The following ATP13A5 variants were observed in gnomAD, a reference collection of about 807,000 sequenced individuals.
The protein encoded by ATP13A5 is probable cation-transporting ATPase 13A5.
In ATP13A5, 149 loss-of-function variants were observed where a neutral mutation model predicts 150.2. The ratio of observed to expected loss-of-function variants is 0.99; its 90% confidence interval spans 0.87 to 1.14. The LOEUF (loss-of-function observed/expected upper bound fraction) is 1.14. Ranked by LOEUF, ATP13A5 falls within the 50% of genes most tolerant of loss-of-function variation. The probability of loss-of-function intolerance (pLI) is 0.00; values close to 1 mark genes in which losing one functional copy is unlikely to be tolerated. For missense variants in ATP13A5, 1,383 were observed against 1,449.3 expected (o/e 0.95, Z 0.74); for synonymous variants, 497 against 522.2 (o/e 0.95, Z 0.66).
At chr3:193,323,494 C>T (rs1033532521) in intron 14 of ATP13A5, 40 of 152,066 alleles carry the variant, frequency 2.6e-4, no homozygotes, top group Admixed American at 6.5e-5. Context: ...ATTTATATTC[C>T]CAACCAAGTA....
chr3:193,364,734 T>C (rs1409906968), intron 1 of ATP13A5, among the ~76,000 whole-genome samples: 4 of 152,186 alleles, frequency 2.6e-5, no homozygotes, highest in African/African-American at 9.6e-5. Flanking sequence ...CATCTAGCTT[T>C]ATCCATTCAG....
rs763820541 is a variant in ATP13A5, at chr3:193,314,223, A to G, written c.2159-30T>C. On this transcript the variant is annotated intron_variant, in intron 18 of 29. Coordinates refer to ENST00000342358, the MANE Select transcript of ATP13A5 (RefSeq NM_198505.4). ...AAGACAAAGAAACTTTGCTTGCTGT[A>G]TGTACAAACCTCCCCTCAGCAACAA... is the stretch of plus-strand genomic sequence containing the variant. 20 of 1,609,356 alleles carry G rather than the reference A, an allele frequency of 1.2e-5. No individual in the cohort carries two copies. The African/African-American group carries it at 1.9e-4, about 15-fold the overall frequency.
chr3:193,353,608 C>T (rs1032825972), intron 6 of ATP13A5, among the ~76,000 whole-genome samples: 6 of 152,060 alleles, frequency 3.9e-5, no homozygotes, highest in Admixed American at 1.3e-4. Flanking sequence ...TAGATGAGGT[C>T]ATGAAGGTAG....
At chr3:193,313,626 T>C (rs1718935715) in intron 19 of ATP13A5, 3 of 163,334 alleles carry the variant, frequency 1.8e-5, no homozygotes, top group South Asian at 3.5e-4. Flanking sequence ...AGTTTTTGTA[T>C]TGGGCAATCT....
intron 5 of ATP13A5, among the ~76,000 whole-genome samples, chr3:193,358,094 T>C (rs1032116837): frequency 2.0e-5 from 3 of 147,032 alleles, no homozygotes; most frequent in Non-Finnish European, 4.5e-5. Flanking sequence ...GTTAGAATTA[T>C]GGTGGAGTTT....
chr3:193,372,873 A>G (rs191713562), intron 1 of ATP13A5, among the ~76,000 whole-genome samples: 2 of 152,292 alleles, frequency 1.3e-5, no homozygotes, highest in East Asian at 3.9e-4. Context: ...TCTGTCACCT[A>G]TATTGTTGTT....
intron 7 of ATP13A5, among the ~76,000 whole-genome samples, chr3:193,345,403 G>A (rs3732522): frequency 0.89 from 135,460 of 152,120 alleles, 61,000 homozygotes; most frequent in East Asian, 0.97. Flanking sequence ...TTGAGGAAGA[G>A]AAAAAAAGTG....
chr3:193,295,297 T>G (rs984186807), intron 25 of ATP13A5, among the ~76,000 whole-genome samples: 3 of 152,098 alleles, frequency 2.0e-5, no homozygotes, highest in Non-Finnish European at 2.9e-5. Context: ...TGAAATGCTC[T>G]TCTTTTAGCA....
In ATP13A5 at chr3:193,314,168, A is replaced by G; in HGVS notation, c.2184T>C (p.Thr728=). 6.2e-7 allele frequency: 1 copy of G among 1,613,840 alleles called. No individual in the cohort carries two copies. Among genetic ancestry groups the G allele is most frequent in the Non-Finnish European group, 8.5e-7 (1 of 1,179,800 alleles). Residue 728 remains threonine, a synonymous_variant, in exon 19 of 30, where the codon ACT becomes ACC. Coordinates refer to ENST00000342358, the MANE Select transcript of ATP13A5 (RefSeq NM_198505.4). Reference sequence around the variant, plus strand: ...GGATCATTTCAGAATTCTTTGCAACAGTAATGGCCGTTTGAAGGTTATCAC... The same window carrying G: ...GGATCATTTCAGAATTCTTTGCAACGGTAATGGCCGTTTGAAGGTTATCAC... ...ITGDNLQTAI[T]VAKNSEMIPP...
intron 12 of ATP13A5, among the ~76,000 whole-genome samples, chr3:193,328,470 C>T (rs1411677482): frequency 6.6e-6 from 1 of 152,146 alleles, no homozygotes; most frequent in Non-Finnish European, 1.5e-5. Flanking sequence ...CAACTTAATT[C>T]AAACTGATAT....
At chr3:193,276,922 ACT>A (rs1717244262) in intron 28 of ATP13A5, 92 bp from the exon 29 acceptor site, 1 of 967,498 alleles carries the variant, frequency 1.0e-6, no homozygotes, top group East Asian at 2.7e-5. Flanking sequence ...ATTTGTAATA[ACT>A]CTCTGAGCTT....
intron 11 of ATP13A5, among the ~76,000 whole-genome samples, chr3:193,331,996 T>A (rs1711646095): frequency 6.6e-6 from 1 of 152,142 alleles, no homozygotes; most frequent in Non-Finnish European, 1.5e-5. Flanking sequence ...TATTATCAAG[T>A]CAATTTTGTG....
Position 193,344,983 on chromosome 3 carries a change from T to C in ATP13A5, c.814+20A>G, listed in dbSNP as rs751887028. The C allele has an allele frequency of 1.2e-6, 2 of 1,600,966 alleles. No individual in the cohort carries two copies. The highest frequency in any genetic ancestry group is 1.3e-5 in the African/African-American group (1 of 74,638). On this transcript the variant is annotated intron_variant, in intron 8 of 29. Transcript: ENST00000342358. ...CCCTGAAATATTAAGATGCTGAAGA[T>C]GGCCTAACACATCACTTACCTTTGT...
At chr3:193,351,275 T>C in intron 6 of ATP13A5, 74 bp from the exon 7 acceptor site, 1 of 1,542,836 alleles carries the variant, frequency 6.5e-7, no homozygotes, top group Non-Finnish European at 8.9e-7. Flanking sequence ...CATTTCATTA[T>C]CAATTTTTTT....
intron 1 of ATP13A5, among the ~76,000 whole-genome samples, chr3:193,374,301 C>CACACACACAG (rs1441073312): frequency 4.4e-4 from 64 of 144,340 alleles, no homozygotes; most frequent in Middle Eastern, 3.5e-3. Flanking sequence ...CACACACACA[C>CACACACACAG]AGAGAGAGAG....
rs546145010 is a variant in ATP13A5 at position 193,277,993 on chromosome 3, G to A, written c.3316-1163C>T. Among the ~76,000 whole-genome samples, 341 of 152,156 alleles carry A rather than the reference G, an allele frequency of 2.2e-3. 3 individuals are homozygous for A. The highest frequency in any genetic ancestry group is 9.5e-3 in the South Asian group (46 of 4,818). On this transcript the variant is annotated intron_variant, in intron 28 of 29. Coordinates refer to ENST00000342358, the MANE Select transcript of ATP13A5 (RefSeq NM_198505.4). Reference sequence around the variant, plus strand: ...TAATTTTTATATTTTTAGTAGAGACGGGGTTTTACCATGTTGGCCAGGCTG... The same window carrying A: ...TAATTTTTATATTTTTAGTAGAGACAGGGTTTTACCATGTTGGCCAGGCTG...
rs71314493 is a variant in ATP13A5 at position 193,305,541 on chromosome 3, G to A, written c.2678+18C>T. 3.3e-3 allele frequency: 5,219 copies of A among 1,594,310 alleles called. 16 individuals carry two copies. Among genetic ancestry groups the A allele is most frequent in the Middle Eastern group, 0.011 (67 of 6,014 alleles). The stretch of plus-strand genomic sequence containing the variant: ...GGGCCCATTGATTGTAGGGCTGGAA[G>A]AGGAAAAAATGACTTACCTGATGAG... On this transcript the variant is annotated intron_variant, in intron 23 of 29. Coordinates refer to ENST00000342358, the MANE Select transcript of ATP13A5 (RefSeq NM_198505.4).
chr3:193,340,399 G>T (rs1424118880), intron 9 of ATP13A5, among the ~76,000 whole-genome samples: 2 of 152,196 alleles, frequency 1.3e-5, no homozygotes, highest in African/African-American at 4.8e-5. Context: ...TAAGTAAAAG[G>T]AAAGGGAGAA....
intron 1 of ATP13A5, among the ~76,000 whole-genome samples, chr3:193,365,164 T>C (rs886073885): frequency 1.3e-5 from 2 of 152,134 alleles, no homozygotes; most frequent in Admixed American, 1.3e-4. Context: ...GGTTCTGCTA[T>C]TGTTGTTTTT....
Sources: gnomAD v4.1 joint callset for allele counts (sites outside exome capture counted in the v4.1 genomes callset) on GRCh38, gnomAD v4.1.1 for gene constraint, MANE v1.5 for transcripts, NCBI Gene and HGNC (gene_info 2026-07-23, HGNC 2026-07-21) for gene names.